POLE: variants seen among roughly 807,000 people sequenced by gnomAD.
POLE encodes DNA polymerase epsilon, catalytic subunit.
Under a neutral mutation model 279.2 loss-of-function variants are expected in POLE, and 188 were observed. That is an observed-to-expected ratio of 0.67 (90% CI 0.60 to 0.76). The LOEUF is 0.76. POLE is among the 30% of genes least tolerant of loss of function. POLE has a pLI of 0.00. For missense variants in POLE, 2,703 were observed against 3,016.7 expected, an observed-to-expected ratio of 0.90 and a Z score of 2.44; for synonymous variants, 1,214 against 1,172.5, an observed-to-expected ratio of 1.04 and a Z score of -0.72.
intron 29 of POLE, among the ~76,000 whole-genome samples, chr12:132,656,016 A>T (rs2042526683): frequency 6.6e-6 from 1 of 152,126 alleles, no homozygotes. Flanking sequence ...TTTAAAAAAA[A>T]AATTAAAAAA....
chr12:132,657,514 C>A, intron 27 of POLE, 85 bp from the exon 28 acceptor site: 1 of 1,102,828 alleles, frequency 9.1e-7, no homozygotes, highest in South Asian at 1.3e-5. Context: ...ACAGGGCTAA[C>A]CACTGTGTCT....
intron 32 of POLE, among the ~76,000 whole-genome samples, chr12:132,648,244 A>AG (rs2042333073): frequency 1.3e-5 from 2 of 152,026 alleles, no homozygotes; most frequent in South Asian, 4.2e-4. Flanking sequence ...ACCCAGAGAC[A>AG]GGAAGTGGAT....
Position 132,634,503 on chromosome 12 carries a change from C to A in POLE, c.5812-125G>T, listed in dbSNP as rs779458088. ...CCCGTTTGACCAGAGGCCTTCCTCG[C>A]AGTCAAGGCATCCCCTGGAGCCTGC... On this transcript the variant is annotated intron_variant, in intron 42 of 48. Coordinates refer to ENST00000320574, the MANE Select transcript of POLE (RefSeq NM_006231.4). The surrounding 1 kb of genome is among the most constrained non-coding windows in gnomAD (Gnocchi z 4.0). The A allele has an allele frequency of 2.2e-6, 2 of 892,384 alleles. No homozygotes were observed. The highest frequency in any genetic ancestry group is 1.8e-6 in the Non-Finnish European group (1 of 570,368). 55.3% of individuals were successfully genotyped at this position (892,384 alleles called of 1,614,324 possible). A position where few individuals can be genotyped will look rare whatever the true frequency, so the allele number is the denominator to read the frequency against.
At chr12:132,647,410 T>C (rs1377191621) in intron 32 of POLE, among the ~76,000 whole-genome samples, 1 of 147,334 alleles carries the variant, frequency 6.8e-6, no homozygotes, top group Non-Finnish European at 1.5e-5. Context: ...ACCTTGAAAA[T>C]TAAAAATAAT....
At chr12:132,669,655 T>C (rs1222262536) in intron 16 of POLE, among the ~76,000 whole-genome samples, 1 of 152,124 alleles carries the variant, frequency 6.6e-6, no homozygotes, top group Non-Finnish European at 1.5e-5. Flanking sequence ...GGGAAGAGCC[T>C]CCACTGCACC....
At chr12:132,677,867 A>G (rs1254920733) in intron 6 of POLE, 148 bp from the exon 7 acceptor site, 2 of 755,038 alleles carry the variant, frequency 2.6e-6, no homozygotes, top group Non-Finnish European at 4.3e-6. Context: ...CGACCAAGGC[A>G]GTCCTTCCTT....
Position 132,661,215 on chromosome 12 carries a change from G to T in POLE, c.2865-51C>A. On this transcript the variant is annotated intron_variant, in intron 24 of 48. Coordinates refer to ENST00000320574, the MANE Select transcript of POLE (RefSeq NM_006231.4). The surrounding 1 kb of genome is among the most constrained non-coding windows in gnomAD (Gnocchi z 4.1). ...CAGCAGTGGCAAGGAGCGCTGGGGA[G>T]CCACCAGCTGTGCCTCATCCTCTCT... 1 of 1,484,606 alleles carries T rather than the reference G, an allele frequency of 6.7e-7. No homozygotes were observed. Among genetic ancestry groups the T allele is most frequent in the Non-Finnish European group, 9.1e-7 (1 of 1,101,204 alleles). 92.0% of individuals were successfully genotyped at this position (1,484,606 alleles called of 1,614,324 possible). A position where few individuals can be genotyped will look rare whatever the true frequency, so the allele number is the denominator to read the frequency against.
intron 20 of POLE, among the ~76,000 whole-genome samples, chr12:132,666,928 A>G (rs925784112): frequency 1.3e-5 from 2 of 152,224 alleles, no homozygotes; most frequent in African/African-American, 2.4e-5. Flanking sequence ...GCAGTGCAGG[A>G]TGCCAGGGGG....
intron 12 of POLE, among the ~76,000 whole-genome samples, chr12:132,674,528 C>T (rs541847590): frequency 1.5e-4 from 23 of 152,300 alleles, no homozygotes; most frequent in Admixed American, 1.3e-3. Flanking sequence ...TCTACCCATT[C>T]CCTGTCTCCA....
At chr12:132,672,896 G>T in intron 14 of POLE, 57 bp from the exon 15 acceptor site, 1 of 1,494,340 alleles carries the variant, frequency 6.7e-7, no homozygotes. Context: ...CTGACTTGCA[G>T]GCAAAGTCCA....
intron 32 of POLE, among the ~76,000 whole-genome samples, chr12:132,646,810 A>G (rs1292049564): frequency 6.6e-6 from 1 of 152,022 alleles, no homozygotes; most frequent in Non-Finnish European, 1.5e-5. Context: ...CAGCCGGGCA[A>G]CAGGAGAGAA....
chr12:132,662,899 G>A (rs1418380476), intron 23 of POLE, among the ~76,000 whole-genome samples: 3 of 152,130 alleles, frequency 2.0e-5, no homozygotes, highest in Non-Finnish European at 4.4e-5. Context: ...TCAATAAGCA[G>A]ACAAATAAAC....
chr12:132,676,627 A>T lies in POLE; in HGVS notation c.828T>A (p.Ile276=). The change falls in exon 9 of 49, where the codon ATT becomes ATA. Residue 276 remains isoleucine (I), a synonymous_variant. Coordinates refer to ENST00000320574, the MANE Select transcript of POLE (RefSeq NM_006231.4). ...ACTTGAGGGGCAGTTTGGTCGTCTC[A>T]ATGTCAAATGCCAAAACCACAGGGT... ...RPDPVVLAFD[I]ETTKLPLKFP... The T allele has an allele frequency of 6.2e-7, 1 of 1,613,590 alleles. No homozygotes were observed. Among genetic ancestry groups the T allele is most frequent in the Non-Finnish European group, 8.5e-7 (1 of 1,179,544 alleles).
intron 36 of POLE, 36 bp from the exon 37 acceptor site, chr12:132,642,765 G>A (rs1395029021): frequency 6.2e-7 from 1 of 1,613,148 alleles, no homozygotes; most frequent in East Asian, 2.2e-5. Flanking sequence ...AGACCTGGGT[G>A]GACCCAGCCT....
chr12:132,635,353 G>GC (rs2042010484), intron 42 of POLE, among the ~76,000 whole-genome samples: 1 of 152,180 alleles, frequency 6.6e-6, no homozygotes, highest in African/African-American at 2.4e-5. Flanking sequence ...TCGCTGCCCA[G>GC]CATCTCCCTG....
chr12:132,634,156 G>A lies in POLE; in HGVS notation c.6004+30C>T, dbSNP rs756388773. 2.8e-5 allele frequency: 44 copies of A among 1,576,718 alleles called. No individual in the cohort carries two copies. Among genetic ancestry groups the A allele is most frequent in the Non-Finnish European group, 3.6e-5 (42 of 1,156,000 alleles). ...TACTAACCATGAGTCCCTTCAGTGG[G>A]GGCTGCGCAGCCCTGGGCTCTGGGC... On this transcript the variant is annotated intron_variant, in intron 43 of 48. Coordinates refer to ENST00000320574, the MANE Select transcript of POLE (RefSeq NM_006231.4). This position sits in a 1 kb window ranked among gnomAD's most constrained non-coding sequence, Gnocchi z 4.0.
intron 29 of POLE, among the ~76,000 whole-genome samples, chr12:132,652,314 CTTTTTTTTTT>C (rs11449205): frequency 3.6e-5 from 4 of 111,172 alleles, no homozygotes; most frequent in South Asian, 3.3e-4. Flanking sequence ...TTGTAGTTTC[CTTTTTTTTTT>C]TTTTTTTTTT....
rs1193250579 is a variant in POLE, at chr12:132,639,153, G to A, written c.5524C>T (p.His1842Tyr). ...AGGAAGAGCTTCTTCATCATGTTGT[G>A]GAGTGTGCGGTGCAGGGCAGGGTCA... ...LHDPALHRTL[H>Y]NMMKKLFLQL... The change falls in exon 40 of 49, where the codon CAC becomes TAC. Residue 1842 changes from histidine (H) to tyrosine (Y), a missense_variant. Transcript: ENST00000320574. The surrounding 1 kb of genome is among the most constrained non-coding windows in gnomAD (Gnocchi z 4.7). 1.2e-6 allele frequency: 2 copies of A among 1,614,184 alleles called. No individual in the cohort carries two copies. Among genetic ancestry groups the A allele is most frequent in the South Asian group, 2.2e-5 (2 of 91,086 alleles).
At position 132,677,593 on chromosome 12, in the gene POLE, G is replaced by A. The variant is rs2043083603; in HGVS notation, c.705C>T (p.Asp235=). 8.7e-6 allele frequency: 14 copies of A among 1,614,170 alleles called. No homozygotes were observed. The highest frequency in any genetic ancestry group is 1.2e-5 in the Non-Finnish European group (14 of 1,180,026). ...DVPYHIRLSI[D]LKIHVAHWYN... ...CCCCACTCACCACGTGGATCTTCAG[G>A]TCAATGGAGAGGCGGATGTGGTAGG... Residue 235 remains aspartate, a synonymous_variant, in exon 7 of 49, where the codon GAC becomes GAT. Coordinates refer to ENST00000320574, the MANE Select transcript of POLE (RefSeq NM_006231.4).
Sources: allele counts gnomAD v4.1 joint callset (sites outside exome capture counted in the v4.1 genomes callset), GRCh38; gene constraint gnomAD v4.1.1; non-coding constraint Gnocchi (gnomAD v3.1); transcripts MANE v1.5; gene names NCBI Gene and HGNC (gene_info 2026-07-23, HGNC 2026-07-21).